Variants in FLI1 observed in about 807,000 individuals in gnomAD.
The protein encoded by FLI1 is Friend leukemia integration 1 transcription factor.
A neutral mutation model predicts 53.1 loss-of-function variants in FLI1; 13 were observed. The observed-to-expected ratio is 0.24, with a 90% CI of 0.16 to 0.39. The LOEUF (loss-of-function observed/expected upper bound fraction) is 0.39. FLI1 is among the 10% of genes least tolerant of loss of function. The pLI is 1.00. For missense variants in FLI1, 424 were observed against 600.5 expected, an observed-to-expected ratio of 0.71 and a Z score of 3.07; for synonymous variants, 244 against 236.7, an observed-to-expected ratio of 1.03 and a Z score of -0.28.
chr11:128,707,482 C>T (rs1241391817), intron 1 of FLI1, among the ~76,000 whole-genome samples: 2 of 152,328 alleles, frequency 1.3e-5, no homozygotes, highest in East Asian at 3.9e-4. Flanking sequence ...CTAGAAACGT[C>T]ATTTCAGGAA....
At position 128,713,081 on chromosome 11, in the gene FLI1, C is replaced by T. The variant is rs1938857219; in HGVS notation, c.18+18805C>T. Among the ~76,000 whole-genome samples, 2 of 152,232 alleles carry T rather than the reference C, an allele frequency of 1.3e-5. 1 individual carries two copies. Among genetic ancestry groups the T allele is most frequent in the Middle Eastern group, 6.8e-3 (2 of 294 alleles). On this transcript the variant is annotated intron_variant, in intron 1 of 8. Coordinates refer to ENST00000527786, the MANE Select transcript of FLI1 (RefSeq NM_002017.5). ...CAATCCTGTGTCCATCACTGAATGG[C>T]ATAAATTTGTGAGGTGAACTGTTTA...
At chr11:128,796,128 C>T (rs1942437311) in intron 5 of FLI1, among the ~76,000 whole-genome samples, 1 of 152,162 alleles carries the variant, frequency 6.6e-6, no homozygotes, top group Non-Finnish European at 1.5e-5. Context: ...TGCAATGAGC[C>T]ATTTCCCTGT....
intron 1 of FLI1, among the ~76,000 whole-genome samples, chr11:128,687,150 G>T (rs938496778): frequency 1.3e-5 from 2 of 152,278 alleles, no homozygotes; most frequent in Non-Finnish European, 2.9e-5. Flanking sequence ...GTATGCGGGC[G>T]CCACGCGCTT....
intron 1 of FLI1, among the ~76,000 whole-genome samples, chr11:128,727,517 A>G (rs559468809): frequency 7.2e-5 from 11 of 152,328 alleles, no homozygotes; most frequent in African/African-American, 2.6e-4. Context: ...ACAGAGCCCA[A>G]GGGCCAGGTC....
chr11:128,764,013 C>A (rs565283075), intron 2 of FLI1, among the ~76,000 whole-genome samples: 1 of 152,216 alleles, frequency 6.6e-6, no homozygotes, highest in Non-Finnish European at 1.5e-5. Flanking sequence ...GGTCCTAATG[C>A]AGCCATGTGA....
chr11:128,692,982 C>T (rs1347700782), upstream of FLI1: 1 of 152,410 alleles, frequency 6.6e-6, no homozygotes, highest in African/African-American at 2.4e-5. Flanking sequence ...GCCTCCGGGT[C>T]TCACCCCGGG....
chr11:128,764,134 C>T (rs1008902968), intron 2 of FLI1, among the ~76,000 whole-genome samples: 2 of 152,204 alleles, frequency 1.3e-5, no homozygotes, highest in East Asian at 1.9e-4. Context: ...TTCAGTTGCT[C>T]TGAGTTGACT....
intron 1 of FLI1, among the ~76,000 whole-genome samples, chr11:128,714,716 T>TC (rs1345531443): frequency 1.6e-3 from 242 of 149,326 alleles, no homozygotes; most frequent in African/African-American, 5.8e-3. Flanking sequence ...GGACCTTTTT[T>TC]TTTTTTTTTT....
intron 1 of FLI1, among the ~76,000 whole-genome samples, chr11:128,752,129 C>T (rs538421202): frequency 2.1e-3 from 321 of 152,222 alleles, no homozygotes; most frequent in Non-Finnish European, 3.4e-3. Flanking sequence ...GCACCCACCA[C>T]CACACCTGGC....
chr11:128,689,571 GGGTCTCGAAGCTGA>G (rs1937657144), upstream of FLI1, among the ~76,000 whole-genome samples: 2 of 152,164 alleles, frequency 1.3e-5, no homozygotes, highest in Non-Finnish European at 2.9e-5. Context: ...TCTTGCCGGC[GGGTCTCGAAGCTGA>G]GTTTCAAGAC....
chr11:128,810,719 G>A lies in FLI1; in HGVS notation c.1090G>A (p.Gly364Ser), dbSNP rs778517558. Residue 364 changes from glycine (G) to serine (S), a missense_variant, in exon 9 of 9, where the codon GGC (glycine) becomes AGC (serine). Physicochemically the swap from Gly to Ser is moderately conservative, Grantham distance 56. Around this residue, in one of 5 missense-constraint regions of FLI1, gnomAD observed 71 missense variants for 174.2 expected, o/e 0.41. Coordinates refer to ENST00000527786, the MANE Select transcript of FLI1 (RefSeq NM_002017.5). This position sits in a 1 kb window ranked among gnomAD's most constrained non-coding sequence, Gnocchi z 6.6. Reference sequence around the variant, plus strand: ...ATATGCTTACAAATTTGACTTCCACGGCATTGCCCAGGCTCTGCAGCCACA... The same window carrying A: ...ATATGCTTACAAATTTGACTTCCACAGCATTGCCCAGGCTCTGCAGCCACA... ...KRYAYKFDFH[G>S]IAQALQPHPT... 7 of 1,613,978 alleles carry A rather than the reference G, an allele frequency of 4.3e-6. No individual in the cohort carries two copies. The highest frequency in any genetic ancestry group is 1.3e-5 in the African/African-American group (1 of 75,034).
At chr11:128,782,242 C>T (rs1180067300) in intron 5 of FLI1, among the ~76,000 whole-genome samples, 2 of 152,084 alleles carry the variant, frequency 1.3e-5, no homozygotes, top group African/African-American at 4.8e-5. Flanking sequence ...AAAGATACAA[C>T]TTGAAGTTGT....
intron 1 of FLI1, among the ~76,000 whole-genome samples, chr11:128,755,576 C>T (rs1940827412): frequency 6.6e-6 from 1 of 152,032 alleles, no homozygotes; most frequent in South Asian, 2.1e-4. Flanking sequence ...TTCCTTGAGC[C>T]CAGATAACAG....
At position 128,781,837 on chromosome 11, in the gene FLI1, T is replaced by G. The variant is rs531629863; in HGVS notation, c.590-121T>G. On this transcript the variant is annotated intron_variant, in intron 4 of 8. Transcript: ENST00000527786. ...TTCGCTTTTCCTTTCTTCCTAGGAG[T>G]CCTCTGTCCCTCTTCCCCTCTCCCC... 1.1e-4 allele frequency: 86 copies of G among 763,598 alleles called. 2 individuals are homozygous for G. Among genetic ancestry groups the G allele is most frequent in the Non-Finnish European group, 1.9e-4 (79 of 427,014 alleles). 47.3% of individuals were successfully genotyped at this position (763,598 alleles called of 1,614,324 possible). A position where few individuals can be genotyped will look rare whatever the true frequency, so the allele number is the denominator to read the frequency against.
intron 1 of FLI1, among the ~76,000 whole-genome samples, chr11:128,710,736 C>T (rs1938753113): frequency 1.3e-5 from 2 of 152,194 alleles, no homozygotes; most frequent in Non-Finnish European, 2.9e-5. Flanking sequence ...TGTCCTACCA[C>T]CTTAACTACA....
chr11:128,708,251 C>T (rs1181381811), intron 1 of FLI1, among the ~76,000 whole-genome samples: 1 of 152,204 alleles, frequency 6.6e-6, no homozygotes, highest in Non-Finnish European at 1.5e-5. Flanking sequence ...TTACCATCGA[C>T]AAGCAGTCAG....
At chr11:128,766,112 G>A (rs934170913) in intron 2 of FLI1, among the ~76,000 whole-genome samples, 1 of 152,196 alleles carries the variant, frequency 6.6e-6, no homozygotes, top group Admixed American at 6.5e-5. Context: ...GCATGTGTGT[G>A]AGTGTGTGCC....
intron 5 of FLI1, among the ~76,000 whole-genome samples, chr11:128,796,098 C>A (rs1485051747): frequency 6.6e-6 from 1 of 152,158 alleles, no homozygotes; most frequent in African/African-American, 2.4e-5. Context: ...TCTGACCCCC[C>A]AGCCCAGAGT....
At chr11:128,790,876 AC>A (rs1942251048) in intron 5 of FLI1, among the ~76,000 whole-genome samples, 1 of 152,096 alleles carries the variant, frequency 6.6e-6, no homozygotes, top group Non-Finnish European at 1.5e-5. Flanking sequence ...GAAACGCATC[AC>A]CATACATCCC....
Sources: allele counts gnomAD v4.1 joint callset (sites outside exome capture counted in the v4.1 genomes callset), GRCh38; gene constraint gnomAD v4.1.1; regional missense constraint gnomAD v4.1.1; non-coding constraint Gnocchi (gnomAD v3.1); transcripts MANE v1.5; gene names NCBI Gene and HGNC (gene_info 2026-07-23, HGNC 2026-07-21).